TCF7L2: variants seen among roughly 807,000 people sequenced by gnomAD.
TCF7L2 encodes transcription factor 7 like 2.
A neutral mutation model predicts 77.9 loss-of-function variants in TCF7L2; 23 were observed. The ratio of observed to expected loss-of-function variants is 0.30; its 90% CI spans 0.21 to 0.42. The LOEUF (loss-of-function observed/expected upper bound fraction) is 0.42, where lower values mean the gene tolerates loss of function less well. Ranked by LOEUF, TCF7L2 falls within the 10% of genes least tolerant of loss-of-function variation. The pLI is 1.00. For missense variants in TCF7L2, 654 were observed against 793.1 expected (o/e 0.82, Z 2.11); for synonymous variants, 413 against 340.2 (o/e 1.21, Z -2.36).
chr10:112,978,012 G>A (rs984261796), intron 4 of TCF7L2, among the ~76,000 whole-genome samples: 2 of 152,166 alleles, frequency 1.3e-5, no homozygotes, highest in African/African-American at 4.8e-5. Context: ...TCTAAACCCT[G>A]AAACCCGTAT....
In TCF7L2 at chr10:113,114,425, G is replaced by C. The variant is rs538948748; in HGVS notation, c.553-26759G>C. 1.6e-4 allele frequency among the ~76,000 whole-genome samples: 24 copies of C among 152,230 alleles called. No individual in the cohort carries two copies. The South Asian group carries it at 4.6e-3, about 29-fold the overall frequency. On this transcript the variant is annotated intron_variant, in intron 5 of 13. Transcript: ENST00000627217. ...CTCTGACTTTTTGGTCCTTAGCAGAGAATACATCCCTTGATATCTTGGAGG... is the reference window on the plus strand; with the variant it reads ...CTCTGACTTTTTGGTCCTTAGCAGACAATACATCCCTTGATATCTTGGAGG...
At chr10:112,966,208 ATATT>A (rs1371577500) in intron 4 of TCF7L2, among the ~76,000 whole-genome samples, 4 of 120,374 alleles carry the variant, frequency 3.3e-5, no homozygotes, top group Admixed American at 7.9e-5. Flanking sequence ...ATATATATAT[ATATT>A]TTCTTTTCTT....
intron 5 of TCF7L2, among the ~76,000 whole-genome samples, chr10:113,077,858 C>CTTATTTATTTATTTAT (rs35452927): frequency 2.2e-5 from 3 of 133,886 alleles, no homozygotes; most frequent in African/African-American, 2.8e-5. Context: ...GCCTGGCTTG[C>CTTATTTATTTATTTAT]TTATTTATTT....
chr10:113,156,355 C>T (rs2071890219), intron 11 of TCF7L2, among the ~76,000 whole-genome samples: 1 of 152,178 alleles, frequency 6.6e-6, no homozygotes, highest in East Asian at 1.9e-4. Context: ...ACCTTGTGAT[C>T]TGCCCGCCTT....
At chr10:113,118,171 ATTAT>A (rs967706184) in intron 5 of TCF7L2, among the ~76,000 whole-genome samples, 1 of 151,790 alleles carries the variant, frequency 6.6e-6, no homozygotes, top group African/African-American at 2.4e-5. Flanking sequence ...GATGTTTTTT[ATTAT>A]TTATTTGTTT....
intron 4 of TCF7L2, among the ~76,000 whole-genome samples, chr10:112,970,868 C>T (rs2038090695): frequency 6.6e-6 from 1 of 152,162 alleles, no homozygotes; most frequent in South Asian, 2.1e-4. Context: ...CACTTCCTCA[C>T]GTTTCCTTTA....
At chr10:112,969,672 G>A (rs1241200092) in intron 4 of TCF7L2, among the ~76,000 whole-genome samples, 1 of 152,182 alleles carries the variant, frequency 6.6e-6, no homozygotes, top group African/African-American at 2.4e-5. Flanking sequence ...TGTGATCAGA[G>A]GCCAATTGCC....
chr10:113,009,325 C>T (rs970456778), intron 4 of TCF7L2, among the ~76,000 whole-genome samples: 3 of 152,136 alleles, frequency 2.0e-5, no homozygotes, highest in African/African-American at 4.8e-5. Context: ...TCCCTGTCTC[C>T]GAGTTGCATT....
chr10:113,096,099 C>T (rs1312580927), intron 5 of TCF7L2, among the ~76,000 whole-genome samples: 1 of 152,086 alleles, frequency 6.6e-6, no homozygotes, highest in East Asian at 1.9e-4. Flanking sequence ...TATAAATTAG[C>T]CTTAAGACTT....
At chr10:113,108,268 C>T (rs1220745530) in intron 5 of TCF7L2, among the ~76,000 whole-genome samples, 1 of 152,172 alleles carries the variant, frequency 6.6e-6, no homozygotes, top group African/African-American at 2.4e-5. Context: ...TGACAGAGCC[C>T]CCAGCCTCTG....
chr10:113,100,891 C>A (rs138906579), intron 5 of TCF7L2, among the ~76,000 whole-genome samples: 4,750 of 152,140 alleles, frequency 0.031, 261 homozygotes, highest in African/African-American at 0.11. Flanking sequence ...GCCTGACCAA[C>A]ATGGAGAAAC....
intron 5 of TCF7L2, among the ~76,000 whole-genome samples, chr10:113,100,566 C>T (rs1461802033): frequency 6.6e-6 from 1 of 151,912 alleles, no homozygotes; most frequent in Non-Finnish European, 1.5e-5. Flanking sequence ...TAGAAAAACA[C>T]AGTGGAAGAT....
At chr10:112,966,374 C>T (rs1446486153) in intron 4 of TCF7L2, among the ~76,000 whole-genome samples, 4 of 151,510 alleles carry the variant, frequency 2.6e-5, no homozygotes, top group Non-Finnish European at 5.9e-5. Context: ...GCATGCTGCC[C>T]ATTTGTCCCT....
chr10:112,950,621 G>T lies in TCF7L2; in HGVS notation c.-136G>T. On this transcript the variant is annotated 5_prime_UTR_variant, in exon 1 of 14. Transcript: ENST00000627217. ...CCCAGGAGAAAAAGACCCCCAAGCA[G>T]AAAAAAGTTCACCTTGGACTCGTCT... 1.2e-6 allele frequency: 1 copy of T among 861,938 alleles called. No individual in the cohort carries two copies. The highest frequency in any genetic ancestry group is 1.6e-6 in the Non-Finnish European group (1 of 619,510). The allele number at this position is 861,938 out of a possible 1,614,324, so 53.4% of individuals were successfully genotyped here. A position where few individuals can be genotyped will look rare whatever the true frequency, so the allele number is the denominator to read the frequency against.
At chr10:113,057,448 G>A (rs1265384664) in intron 5 of TCF7L2, among the ~76,000 whole-genome samples, 2 of 152,186 alleles carry the variant, frequency 1.3e-5, no homozygotes, top group African/African-American at 4.8e-5. Flanking sequence ...TGGGATTATA[G>A]GCGTGAGTCA....
intron 4 of TCF7L2, among the ~76,000 whole-genome samples, chr10:112,967,979 A>G (rs1049370269): frequency 6.6e-6 from 1 of 152,254 alleles, no homozygotes; most frequent in Non-Finnish European, 1.5e-5. Flanking sequence ...TTAAAATTCT[A>G]TTGACTTTTA....
chr10:113,048,509 G>C (rs543295237), intron 5 of TCF7L2, among the ~76,000 whole-genome samples: 1 of 152,326 alleles, frequency 6.6e-6, no homozygotes, highest in South Asian at 2.1e-4. Context: ...ACTTCATCAT[G>C]ACCTGAAAGT....
At chr10:113,118,501 A>G (rs2064181592) in intron 5 of TCF7L2, among the ~76,000 whole-genome samples, 1 of 118,658 alleles carries the variant, frequency 8.4e-6, no homozygotes, top group Non-Finnish European at 1.8e-5. Context: ...AAAGTTTTCA[A>G]CCAACTGGTC....
chr10:112,972,289 T>G (rs576226897), intron 4 of TCF7L2, among the ~76,000 whole-genome samples: 12 of 152,208 alleles, frequency 7.9e-5, no homozygotes, highest in Non-Finnish European at 1.8e-4. Flanking sequence ...TTTCCCATTC[T>G]TATGTGAAGA....
Sources: allele counts gnomAD v4.1 joint callset (sites outside exome capture counted in the v4.1 genomes callset), GRCh38; gene constraint gnomAD v4.1.1; transcripts MANE v1.5; gene names NCBI Gene and HGNC (gene_info 2026-07-23, HGNC 2026-07-21).